Variants in FBXO42 observed in about 807,000 individuals in gnomAD.
The protein encoded by FBXO42 is F-box only protein 42.
In FBXO42, 12 loss-of-function variants were observed where a neutral mutation model predicts 71.7. That is an observed-to-expected ratio of 0.17 (90% CI 0.11 to 0.27). The LOEUF (loss-of-function observed/expected upper bound fraction) is 0.27. FBXO42 is among the 10% of genes least tolerant of loss of function. The pLI is 1.00. For missense variants in FBXO42, 707 were observed against 911.9 expected (o/e 0.78, Z 2.89); for synonymous variants, 325 against 327.5 (o/e 0.99, Z 0.08).
intron 4 of FBXO42, among the ~76,000 whole-genome samples, chr1:16,269,502 T>C (rs1364161925): frequency 1.3e-5 from 2 of 151,914 alleles, no homozygotes; most frequent in African/African-American, 4.8e-5. Context: ...AAATTATACA[T>C]GTGCCACCAC....
intron 4 of FBXO42, among the ~76,000 whole-genome samples, chr1:16,278,477 T>TTA (rs2081928180): frequency 6.6e-6 from 1 of 152,288 alleles, no homozygotes; most frequent in Admixed American, 6.5e-5. Flanking sequence ...AATAGACTAC[T>TTA]GTCTTTTTTA....
rs2082323321 is a variant in FBXO42 at position 16,312,565 on chromosome 1, C to A, written c.250+2604G>T. Among the ~76,000 whole-genome samples the A allele has an allele frequency of 2.0e-5, 3 of 151,994 alleles. No individual in the cohort carries two copies. In the East Asian group the frequency reaches 5.8e-4, roughly 29 times the overall value. On this transcript the variant is annotated intron_variant, in intron 2 of 9. Coordinates refer to ENST00000375592, the MANE Select transcript of FBXO42 (RefSeq NM_018994.3). The stretch of plus-strand genomic sequence containing the variant: ...ATACAGGATTTTTAGGGCAGTGAAG[C>A]TATTATGATATTATAACAGTGGATA...
At chr1:16,340,066 C>G (rs1014042777) in intron 1 of FBXO42, among the ~76,000 whole-genome samples, 5 of 151,824 alleles carry the variant, frequency 3.3e-5, no homozygotes, top group African/African-American at 1.2e-4. Context: ...AGTCCCAGCT[C>G]TTGGGAGGCT....
chr1:16,294,638 A>T, intron 4 of FBXO42, 145 bp downstream of exon 4: 1 of 766,488 alleles, frequency 1.3e-6, no homozygotes, highest in Non-Finnish European at 2.1e-6. Flanking sequence ...GCATATTACT[A>T]TTATCATTTA....
In FBXO42 at chr1:16,299,418, C is replaced by T. The variant is rs935352886; in HGVS notation, c.368-4501G>A. ...ACTAAAATAGGGCAATTGGCATTTT[C>T]CTGCTTCTCTTGAGCAAACAAAGGT... is the stretch of plus-strand genomic sequence containing the variant. On this transcript the variant is annotated intron_variant, in intron 3 of 9. Coordinates refer to ENST00000375592, the MANE Select transcript of FBXO42 (RefSeq NM_018994.3). Among the ~76,000 whole-genome samples, 47 of 152,238 alleles carry T rather than the reference C, an allele frequency of 3.1e-4. 1 individual carries two copies. The highest frequency in any genetic ancestry group is 3.4e-3 in the Middle Eastern group (1 of 294).
intron 4 of FBXO42, among the ~76,000 whole-genome samples, chr1:16,275,684 G>A (rs2081892682): frequency 2.0e-5 from 3 of 152,130 alleles, no homozygotes; most frequent in Admixed American, 1.3e-4. Flanking sequence ...ATCTCCTCAA[G>A]GGGGAATGAG....
chr1:16,328,390 G>A (rs894747886), intron 1 of FBXO42, among the ~76,000 whole-genome samples: 2 of 152,118 alleles, frequency 1.3e-5, no homozygotes, highest in Non-Finnish European at 2.9e-5. Flanking sequence ...CAAAAGCAGA[G>A]GCTAACAATA....
intron 1 of FBXO42, among the ~76,000 whole-genome samples, chr1:16,341,635 G>C (rs2082605704): frequency 7.3e-6 from 1 of 136,850 alleles, no homozygotes; most frequent in African/African-American, 2.6e-5. Flanking sequence ...AAAAAAAAAA[G>C]TGGCAGTAAG....
At chr1:16,264,698 T>C (rs113044946) in intron 4 of FBXO42, among the ~76,000 whole-genome samples, 1,672 of 152,282 alleles carry the variant, frequency 0.011, 15 homozygotes, top group Admixed American at 0.016. Context: ...ACAGCAGATA[T>C]GATCAATGGA....
At chr1:16,295,830 G>A (rs2100533135) in intron 3 of FBXO42, among the ~76,000 whole-genome samples, 1 of 152,310 alleles carries the variant, frequency 6.6e-6, no homozygotes, top group Non-Finnish European at 1.5e-5. Flanking sequence ...CTCAATAGTA[G>A]TATGGTCTTG....
chr1:16,314,348 G>C (rs1350885456), intron 2 of FBXO42, among the ~76,000 whole-genome samples: 2 of 152,210 alleles, frequency 1.3e-5, no homozygotes, highest in Non-Finnish European at 2.9e-5. Context: ...GTTGCTAAAA[G>C]TAGCTACTCA....
At chr1:16,266,392 G>A (rs550397256) in intron 4 of FBXO42, among the ~76,000 whole-genome samples, 29 of 152,216 alleles carry the variant, frequency 1.9e-4, no homozygotes, top group South Asian at 1.2e-3. Flanking sequence ...AGACTGAGGC[G>A]GGAGGATGGC....
In FBXO42 at chr1:16,270,692, A is replaced by AAAG. The variant is rs1553150219; in HGVS notation, c.503-13934_503-13933insCTT. Among the ~76,000 whole-genome samples, 55 of 33,946 alleles carry AAAG rather than the reference A, an allele frequency of 1.6e-3. 9 individuals are homozygous for AAAG. Among genetic ancestry groups the AAAG allele is most frequent in the African/African-American group, 6.2e-3 (52 of 8,354 alleles). 22.3% of individuals were successfully genotyped at this position (33,946 alleles called of 152,430 possible). A position where few individuals can be genotyped will look rare whatever the true frequency, so the allele number is the denominator to read the frequency against. ...TGTCTCTCAAAAAAAAAAAAAAAAAAAAAAGAAAAGAAAAGAAAGAAGAAA... is the reference window on the plus strand; with the variant it reads ...TGTCTCTCAAAAAAAAAAAAAAAAAAAAGAAAAGAAAAGAAAAGAAAGAAGAAA... On this transcript the variant is annotated intron_variant, in intron 4 of 9. Coordinates refer to ENST00000375592, the MANE Select transcript of FBXO42 (RefSeq NM_018994.3).
chr1:16,307,926 G>A (rs1305981004), intron 2 of FBXO42, among the ~76,000 whole-genome samples: 1 of 152,126 alleles, frequency 6.6e-6, no homozygotes, highest in Non-Finnish European at 1.5e-5. Context: ...TGTGAATATC[G>A]ACAAACTGTT....
At chr1:16,322,000 C>T (rs2082413008) in intron 1 of FBXO42, among the ~76,000 whole-genome samples, 1 of 151,692 alleles carries the variant, frequency 6.6e-6, no homozygotes, top group South Asian at 2.1e-4. Flanking sequence ...GAAACCCTGT[C>T]TCTACTAAAA....
chr1:16,253,044 T>C (rs1204047003), intron 8 of FBXO42, 52 bp downstream of exon 8: 39 of 1,522,660 alleles, frequency 2.6e-5, no homozygotes, highest in Non-Finnish European at 3.4e-5. Flanking sequence ...GGGAAACAGG[T>C]TTTGAACACT....
At chr1:16,307,517 A>C (rs566509307) in intron 2 of FBXO42, among the ~76,000 whole-genome samples, 2 of 151,418 alleles carry the variant, frequency 1.3e-5, no homozygotes, top group African/African-American at 4.9e-5. Context: ...TCTCTTAAAA[A>C]ACAAGCAAAA....
rs1382216269 is a variant in FBXO42 at position 16,246,973 on chromosome 1, A to G, written c.*3697T>C. 1 of 152,224 alleles carries G rather than the reference A, an allele frequency of 6.6e-6. No homozygotes were observed. Among genetic ancestry groups the G allele is most frequent in the Non-Finnish European group, 1.5e-5 (1 of 68,048 alleles). The allele number at this position is 152,224 out of a possible 1,614,324, so 9.4% of individuals were successfully genotyped here. On this transcript the variant is annotated 3_prime_UTR_variant, in exon 10 of 10. Coordinates refer to ENST00000375592, the MANE Select transcript of FBXO42 (RefSeq NM_018994.3). ...ATTCCTACACTGTTATGTGCCCAAA[A>G]TGACTATCTCAGGGTAAGCCACCTG...
intron 1 of FBXO42, among the ~76,000 whole-genome samples, chr1:16,332,970 C>T (rs1288645115): frequency 6.6e-6 from 1 of 152,114 alleles, no homozygotes; most frequent in Non-Finnish European, 1.5e-5. Context: ...ATCTGAAGTA[C>T]TTGTTTGTGA....
Sources: allele counts gnomAD v4.1 joint callset (sites outside exome capture counted in the v4.1 genomes callset), GRCh38; gene constraint gnomAD v4.1.1; transcripts MANE v1.5; gene names NCBI Gene and HGNC (gene_info 2026-07-23, HGNC 2026-07-21).